Variants in DNAH2 observed in about 807,000 individuals in gnomAD.
DNAH2 encodes the protein dynein axonemal heavy chain 2, also known as axonemal beta dynein heavy chain 2.
In DNAH2, 323 loss-of-function variants were observed where a neutral mutation model predicts 523.5. That is an observed-to-expected ratio of 0.62 (90% CI 0.56 to 0.68). The LOEUF (loss-of-function observed/expected upper bound fraction) is 0.68. Ranked by LOEUF, DNAH2 falls within the 30% of genes least tolerant of loss-of-function variation. The pLI, the probability that DNAH2 is intolerant of heterozygous loss-of-function variation, is 0.00. For synonymous variants in DNAH2, 2,093 were observed against 2,177.4 expected (o/e 0.96, Z 1.08); for missense variants, 4,907 against 5,701.5 (o/e 0.86, Z 4.49).
rs533347358 is a variant in DNAH2 at position 7,737,995 on chromosome 17, C to T, written c.1170+737C>T. 34 of 703,232 alleles carry T rather than the reference C, an allele frequency of 4.8e-5. No individual in the cohort carries two copies. In the East Asian group the frequency reaches 6.4e-4, roughly 13 times the overall value. 43.6% of individuals were successfully genotyped at this position (703,232 alleles called of 1,614,324 possible). ...ATGAGATCATCCGCTTATGCTGCCA[C>T]GCCATCTCCCTGGACCGGATCTTTG... On this transcript the variant is annotated intron_variant, in intron 8 of 85. Coordinates refer to ENST00000572933, the MANE Select transcript of DNAH2 (RefSeq NM_020877.5).
intron 63 of DNAH2, among the ~76,000 whole-genome samples, chr17:7,812,142 C>T (rs2077533641): frequency 1.3e-5 from 2 of 152,172 alleles, no homozygotes; most frequent in East Asian, 1.9e-4. Context: ...GGAACCATGA[C>T]TTGTGCACTT....
At position 7,734,582 on chromosome 17, in the gene DNAH2, A is replaced by G. The variant is rs753906408; in HGVS notation, c.852A>G (p.Arg284=). The G allele has an allele frequency of 6.8e-6, 11 of 1,613,706 alleles. 1 individual carries two copies. The South Asian group carries it at 1.2e-4, about 18-fold the overall frequency. Residue 284 remains arginine (R), a synonymous_variant, in exon 7 of 86, where the codon CGA becomes CGG. Transcript: ENST00000572933. ...PLEEIEFWRN[R]CMDLSGISKQ... Reference sequence around the variant, plus strand: ...AGGAGATTGAGTTCTGGCGCAACCGATGCATGGACCTGTCTGGCATCAGTA... The same window carrying G: ...AGGAGATTGAGTTCTGGCGCAACCGGTGCATGGACCTGTCTGGCATCAGTA...
At chr17:7,762,058 G>A (rs2076020474) in intron 18 of DNAH2, among the ~76,000 whole-genome samples, 4 of 152,184 alleles carry the variant, frequency 2.6e-5, no homozygotes, top group Admixed American at 2.0e-4. Flanking sequence ...TGTGACTTTA[G>A]GCAGGTTTTC....
chr17:7,822,182 G>A (rs1395036109), intron 73 of DNAH2, among the ~76,000 whole-genome samples: 1 of 152,208 alleles, frequency 6.6e-6, no homozygotes, highest in Non-Finnish European at 1.5e-5. Context: ...TGTTGCCCAG[G>A]CTGGTCTCGA....
At chr17:7,797,362 C>T in intron 51 of DNAH2, 38 bp from the exon 52 acceptor site, 1 of 1,613,966 alleles carries the variant, frequency 6.2e-7, no homozygotes, top group Non-Finnish European at 8.5e-7. Context: ...CCATTCTCCT[C>T]TTTATTCCCC....
At chr17:7,723,754 T>C in intron 3 of DNAH2, 65 bp downstream of exon 3, 1 of 1,389,484 alleles carries the variant, frequency 7.2e-7, no homozygotes, top group Non-Finnish European at 1.0e-6. Context: ...AAGGATCAGT[T>C]GTGGATGGCA....
At chr17:7,788,415 C>T (rs892927479) in intron 44 of DNAH2, among the ~76,000 whole-genome samples, 171 bp downstream of exon 44, 1 of 152,050 alleles carries the variant, frequency 6.6e-6, no homozygotes, top group African/African-American at 2.4e-5. Context: ...TGTGTGTGTG[C>T]ATGTCTGTGT....
chr17:7,829,027 ATTATTT>A (rs1280581668), intron 77 of DNAH2, among the ~76,000 whole-genome samples: 3 of 141,758 alleles, frequency 2.1e-5, no homozygotes, highest in Non-Finnish European at 3.1e-5. Context: ...CATTATTATT[ATTATTT>A]TTTTTTTTTT....
chr17:7,797,458 A>C lies in DNAH2; in HGVS notation c.8008A>C (p.Ser2670Arg). The C allele has an allele frequency of 6.2e-7, 1 of 1,614,170 alleles. No homozygotes were observed. Among genetic ancestry groups the C allele is most frequent in the Non-Finnish European group, 8.5e-7 (1 of 1,180,040 alleles). The change falls in exon 52 of 86, where the codon AGC (serine) becomes CGC (arginine). Residue 2670 changes from serine (S) to arginine (R), a missense_variant. Transcript: ENST00000572933. ...ADTEAFMGII[S>R]DKLGSFFDLT... ...CACAGAAGCCTTCATGGGCATCATA[A>C]GCGACAAGCTCGGCTCCTTCTTTGA...
At chr17:7,739,675 C>A in intron 8 of DNAH2, 58 bp from the exon 9 acceptor site, 1 of 1,521,164 alleles carries the variant, frequency 6.6e-7, no homozygotes, top group Non-Finnish European at 9.0e-7. Context: ...AACCAAATAG[C>A]TTAGGACTTT....
intron 44 of DNAH2, among the ~76,000 whole-genome samples, chr17:7,789,895 T>A (rs2076849553): frequency 6.6e-6 from 1 of 152,122 alleles, no homozygotes; most frequent in African/African-American, 2.4e-5. Flanking sequence ...AGGATTACTC[T>A]CTAAACCCAA....
rs2076704885 is a variant in DNAH2, at chr17:7,785,266, T to C, written c.6130-858T>C. Reference sequence around the variant, plus strand: ...ACAGGCACACGCCACCACACCCGGCTAATTTTTTGTATTTTTAGTAGAGAC... The same window carrying C: ...ACAGGCACACGCCACCACACCCGGCCAATTTTTTGTATTTTTAGTAGAGAC... On this transcript the variant is annotated intron_variant, in intron 39 of 85. Coordinates refer to ENST00000572933, the MANE Select transcript of DNAH2 (RefSeq NM_020877.5). Among the ~76,000 whole-genome samples, 2 of 152,004 alleles carry C rather than the reference T, an allele frequency of 1.3e-5. 1 individual carries two copies. Among genetic ancestry groups the C allele is most frequent in the Admixed American group, 1.3e-4 (2 of 15,256 alleles).
At chr17:7,811,637 G>A (rs1241372398) in intron 63 of DNAH2, among the ~76,000 whole-genome samples, 1 of 152,156 alleles carries the variant, frequency 6.6e-6, no homozygotes, top group East Asian at 1.9e-4. Flanking sequence ...GCTTATGTGT[G>A]TCTTCACATA....
chr17:7,800,717 A>G (rs1485608059), intron 56 of DNAH2, among the ~76,000 whole-genome samples: 1 of 150,612 alleles, frequency 6.6e-6, no homozygotes, highest in Non-Finnish European at 1.5e-5. Flanking sequence ...ATACAAAAAA[A>G]TTAGATGGGC....
chr17:7,766,716 C>T (rs1029824872), intron 22 of DNAH2, among the ~76,000 whole-genome samples: 1 of 135,986 alleles, frequency 7.4e-6, no homozygotes, highest in African/African-American at 2.7e-5. Context: ...GGCACAATCT[C>T]GGCTCACTAT....
In DNAH2 at chr17:7,831,161, G is replaced by T. The variant is rs139598684; in HGVS notation, c.12306G>T (p.Leu4102Phe). The change falls in exon 80 of 86, where the codon TTG becomes TTT. Residue 4102 changes from leucine (L) to phenylalanine (F), a missense_variant. Physicochemically the swap from Leu to Phe is conservative, Grantham distance 22. Around this residue, in one of 3 missense-constraint regions of DNAH2, gnomAD observed 1,851 missense variants for 2,139.4 expected, o/e 0.87. Transcript: ENST00000572933. This position sits in a 1 kb window ranked among gnomAD's most constrained non-coding sequence, Gnocchi z 4.2. The stretch of plus-strand genomic sequence containing the variant: ...CTTACAAGGAATACATCAGCTTATT[G>T]CCTGGCATGGACCCCCCTGAGGCCT... ...LASYKEYISLLPGMDPPEAFG... is the reference protein window; with the variant it reads ...LASYKEYISLFPGMDPPEAFG... 7 of 1,614,022 alleles carry T rather than the reference G, an allele frequency of 4.3e-6. No individual in the cohort carries two copies. Among genetic ancestry groups the T allele is most frequent in the Non-Finnish European group, 5.9e-6 (7 of 1,180,038 alleles).
chr17:7,729,681 C>T (rs1423815467), intron 4 of DNAH2, among the ~76,000 whole-genome samples: 3 of 152,168 alleles, frequency 2.0e-5, no homozygotes, highest in African/African-American at 4.8e-5. Context: ...CCACCTGCCT[C>T]GGCCTCCGAA....
At chr17:7,788,042 A>G in intron 43 of DNAH2, 44 bp from the exon 44 acceptor site, 2 of 1,613,464 alleles carry the variant, frequency 1.2e-6, no homozygotes, top group African/African-American at 1.3e-5. Flanking sequence ...GGGTGGCTCC[A>G]GGACACAAGG....
In DNAH2 at chr17:7,792,443, G is replaced by C. The variant is rs1305060451; in HGVS notation, c.7145+100G>C. 3 of 1,262,826 alleles carry C rather than the reference G, an allele frequency of 2.4e-6. No homozygotes were observed. The Admixed American group carries it at 5.4e-5, about 23-fold the overall frequency. The allele number at this position is 1,262,826 out of a possible 1,614,324, so 78.2% of individuals were successfully genotyped here. A position where few individuals can be genotyped will look rare whatever the true frequency, so the allele number is the denominator to read the frequency against. ...TAGAAGCAAAAATGAGCAATAGGAA[G>C]GAGAAGGTGGGTCCCAGAGAAGGGC... is the stretch of plus-strand genomic sequence containing the variant. On this transcript the variant is annotated intron_variant, in intron 46 of 85. Transcript: ENST00000572933.
Sources: allele counts gnomAD v4.1 joint callset (sites outside exome capture counted in the v4.1 genomes callset), GRCh38; gene constraint gnomAD v4.1.1; regional missense constraint gnomAD v4.1.1; non-coding constraint Gnocchi (gnomAD v3.1); transcripts MANE v1.5; gene names NCBI Gene and HGNC (gene_info 2026-07-23, HGNC 2026-07-21).